RHBDD1: variants seen among roughly 807,000 people sequenced by gnomAD.
The protein encoded by RHBDD1 is rhomboid-related protein 4.
In RHBDD1, 38 loss-of-function variants were observed where a neutral mutation model predicts 36.3. The observed-to-expected ratio is 1.05, with a 90% CI of 0.81 to 1.37. RHBDD1 has a LOEUF of 1.37. Ranked by LOEUF, RHBDD1 falls within the 40% of genes most tolerant of loss-of-function variation. The pLI is 0.00. For missense variants in RHBDD1, 393 were observed against 377.6 expected (o/e 1.04, Z -0.34); for synonymous variants, 151 against 136.5 (o/e 1.11, Z -0.74).
chr2:226,817,142 T>C, the RHBDD1 span, among the ~76,000 whole-genome samples: 3,609 of 152,294 alleles, frequency 0.024, 164 homozygotes, highest in African/African-American at 0.082. Flanking sequence ...TAGGTGTGCA[T>C]AGTGAGCTAT....
chr2:226,936,740 AT>A (rs1008658803), intron 8 of RHBDD1, among the ~76,000 whole-genome samples: 1 of 152,078 alleles, frequency 6.6e-6, no homozygotes, highest in Admixed American at 6.6e-5. Context: ...ACAGAACCTT[AT>A]TTGAGCCCTT....
upstream of RHBDD1, among the ~76,000 whole-genome samples, chr2:226,830,761 C>T (rs190393202): frequency 6.6e-5 from 10 of 152,334 alleles, no homozygotes; most frequent in African/African-American, 9.6e-5. Flanking sequence ...ATTCCTTGAA[C>T]TACTGAGCTC....
At chr2:226,870,636 A>G (rs972453914) in intron 5 of RHBDD1, among the ~76,000 whole-genome samples, 7 of 152,196 alleles carry the variant, frequency 4.6e-5, no homozygotes, top group African/African-American at 1.7e-4. Context: ...TGACACCCCA[A>G]AGACTTAACT....
intron 5 of RHBDD1, among the ~76,000 whole-genome samples, chr2:226,875,571 A>G (rs920519905): frequency 6.6e-6 from 1 of 152,202 alleles, no homozygotes. Context: ...TGTTAGTTCA[A>G]TAAAAATAGA....
At chr2:226,864,164 T>A (rs1944109892) in intron 3 of RHBDD1, among the ~76,000 whole-genome samples, 1 of 152,140 alleles carries the variant, frequency 6.6e-6, no homozygotes, top group South Asian at 2.1e-4. Flanking sequence ...TTGTTGATGT[T>A]TAAAAACTTT....
At chr2:226,994,511 G>A (rs1177171065) in intron 8 of RHBDD1, among the ~76,000 whole-genome samples, 3 of 152,178 alleles carry the variant, frequency 2.0e-5, no homozygotes, top group African/African-American at 7.2e-5. Context: ...TGATGGGAGA[G>A]AGCCTTTCAG....
intron 3 of RHBDD1, among the ~76,000 whole-genome samples, chr2:226,862,382 C>T (rs564885591): frequency 1.4e-5 from 2 of 140,586 alleles, no homozygotes; most frequent in Non-Finnish European, 3.1e-5. Context: ...AACTCTAAAA[C>T]TCATGCATTG....
Position 226,998,688 on chromosome 2 carries a change from C to G in RHBDD1, c.*3166C>G, listed in dbSNP as rs1960144303. 6.6e-6 allele frequency: 1 copy of G among 152,140 alleles called. No individual in the cohort carries two copies. Among genetic ancestry groups the G allele is most frequent in the African/African-American group, 2.4e-5 (1 of 41,410 alleles). 9.4% of individuals were successfully genotyped at this position (152,140 alleles called of 1,614,324 possible). A position where few individuals can be genotyped will look rare whatever the true frequency, so the allele number is the denominator to read the frequency against. On this transcript the variant is annotated 3_prime_UTR_variant, in exon 9 of 9. Transcript: ENST00000392062. ...TCTGTTCAATACTTAACAATACCTC[C>G]TCACTCAATTCTACATAACTCCAGC...
upstream of RHBDD1, among the ~76,000 whole-genome samples, chr2:226,833,109 T>C (rs1330551708): frequency 6.6e-6 from 1 of 152,230 alleles, no homozygotes; most frequent in Non-Finnish European, 1.5e-5. Flanking sequence ...GGTATTATTA[T>C]CACTATGGTA....
chr2:226,930,158 A>G (rs1266661167), intron 8 of RHBDD1, among the ~76,000 whole-genome samples: 2 of 152,034 alleles, frequency 1.3e-5, no homozygotes, highest in East Asian at 1.9e-4. Context: ...GTAAAAAATA[A>G]CCCAAAAATT....
the RHBDD1 span, among the ~76,000 whole-genome samples, chr2:226,811,335 T>C: frequency 6.6e-6 from 1 of 152,176 alleles, no homozygotes. Flanking sequence ...GGAGTCTCGC[T>C]CTGTCACCCA....
intron 3 of RHBDD1, among the ~76,000 whole-genome samples, chr2:226,855,978 G>A (rs1204936422): frequency 6.6e-6 from 1 of 152,052 alleles, no homozygotes; most frequent in Non-Finnish European, 1.5e-5. Flanking sequence ...TGTAGCTCTG[G>A]AAGACATTTA....
At chr2:226,879,873 T>C (rs1410942299) in intron 5 of RHBDD1, among the ~76,000 whole-genome samples, 1 of 152,142 alleles carries the variant, frequency 6.6e-6, no homozygotes, top group Non-Finnish European at 1.5e-5. Context: ...TTCTCAGAGT[T>C]GGGTTGGTGT....
chr2:226,979,754 A>G (rs771649772), intron 8 of RHBDD1, among the ~76,000 whole-genome samples: 5 of 152,196 alleles, frequency 3.3e-5, no homozygotes, highest in Admixed American at 6.5e-5. Context: ...AGTCTCTGGC[A>G]ACTTTCAGAA....
chr2:226,922,504 G>A (rs992286390), intron 8 of RHBDD1, among the ~76,000 whole-genome samples: 2 of 152,106 alleles, frequency 1.3e-5, no homozygotes, highest in Non-Finnish European at 2.9e-5. Flanking sequence ...ACTGTGCCCA[G>A]CCTCTATATG....
At chr2:226,809,813 A>G in the RHBDD1 span, among the ~76,000 whole-genome samples, 3,224 of 152,328 alleles carry the variant, frequency 0.021, 129 homozygotes, top group African/African-American at 0.073. Context: ...CACCTTTTTA[A>G]AAACTATTTT....
chr2:226,966,739 G>T (rs1229473402), intron 8 of RHBDD1, among the ~76,000 whole-genome samples: 2 of 152,024 alleles, frequency 1.3e-5, no homozygotes, highest in African/African-American at 2.4e-5. Flanking sequence ...CATATTTTTG[G>T]ACCCTGACCT....
chr2:226,906,110 A>G (rs1948033111), intron 5 of RHBDD1, among the ~76,000 whole-genome samples: 1 of 152,192 alleles, frequency 6.6e-6, no homozygotes, highest in Non-Finnish European at 1.5e-5. Context: ...TCTGAAAATA[A>G]ATCTTACAAG....
chr2:226,909,295 T>A (rs905164628), intron 7 of RHBDD1, among the ~76,000 whole-genome samples: 2 of 152,186 alleles, frequency 1.3e-5, no homozygotes, highest in Non-Finnish European at 2.9e-5. Context: ...AAAATAGGCA[T>A]GCCTCTAACA....
Sources: allele counts gnomAD v4.1 joint callset (sites outside exome capture counted in the v4.1 genomes callset), GRCh38; gene constraint gnomAD v4.1.1; transcripts MANE v1.5; gene names NCBI Gene and HGNC (gene_info 2026-07-23, HGNC 2026-07-21).